Variants in BABAM2 observed in about 807,000 individuals in gnomAD.
BABAM2 encodes BRISC and BRCA1 A complex member 2, also known as BRISC and BRCA1-A complex member 2.
Under a neutral mutation model 54.7 loss-of-function variants are expected in BABAM2, and 31 were observed. The ratio of observed to expected loss-of-function variants is 0.57; its 90% CI spans 0.43 to 0.77. The LOEUF is 0.77. Among genes scored for constraint, BABAM2 ranks in the 30% least tolerant of loss-of-function variants. The probability of loss-of-function intolerance (pLI) is 0.00; values close to 1 mark genes in which losing one functional copy is unlikely to be tolerated. For missense variants in BABAM2, 364 were observed against 455.8 expected (o/e 0.80, Z 1.83); for synonymous variants, 167 against 162.9 (o/e 1.03, Z -0.19).
At chr2:28,153,872 T>C (rs1332856684) in intron 7 of BABAM2, among the ~76,000 whole-genome samples, 1 of 152,226 alleles carries the variant, frequency 6.6e-6, no homozygotes, top group Admixed American at 6.5e-5. Context: ...CATGCACGAT[T>C]GAGTTTTTGG....
chr2:27,918,532 G>A (rs1430209168), intron 2 of BABAM2, among the ~76,000 whole-genome samples: 1 of 151,908 alleles, frequency 6.6e-6, no homozygotes, highest in African/African-American at 2.4e-5. Context: ...ATTCATCCAT[G>A]GATGGACACT....
chr2:28,182,035 A>G (rs188308948), intron 7 of BABAM2, among the ~76,000 whole-genome samples: 1 of 152,328 alleles, frequency 6.6e-6, no homozygotes, highest in African/African-American at 2.4e-5. Flanking sequence ...ATCAAGGATC[A>G]GTATCCCAGT....
chr2:28,091,718 G>A lies in BABAM2; in HGVS notation c.571-37553G>A, dbSNP rs534330904. On this transcript the variant is annotated intron_variant, in intron 6 of 11. Coordinates refer to ENST00000379624, the MANE Select transcript of BABAM2 (RefSeq NM_199191.3). ...CTTTCTTCCTTGTCTATGTGGGTAA[G>A]TGATTAGAACTAGGAACTATGAAAC... 3.3e-5 allele frequency among the ~76,000 whole-genome samples: 5 copies of A among 152,320 alleles called. No homozygotes were observed. The South Asian group carries it at 1.0e-3, about 32-fold the overall frequency.
chr2:28,071,218 T>C (rs1252789052), intron 6 of BABAM2, among the ~76,000 whole-genome samples: 1 of 152,134 alleles, frequency 6.6e-6, no homozygotes, highest in African/African-American at 2.4e-5. Context: ...GTCTTACCCA[T>C]TGTTTTAAAT....
At chr2:28,289,949 C>G (rs1054870737) in intron 10 of BABAM2, among the ~76,000 whole-genome samples, 2 of 152,158 alleles carry the variant, frequency 1.3e-5, no homozygotes, top group African/African-American at 4.8e-5. Context: ...TCCCTTTTCC[C>G]CACCCACAGA....
intron 7 of BABAM2, among the ~76,000 whole-genome samples, chr2:28,129,669 T>C (rs1413103018): frequency 6.6e-6 from 1 of 152,190 alleles, no homozygotes; most frequent in Non-Finnish European, 1.5e-5. Context: ...CTTCCAGATG[T>C]TCCCTGGAGT....
Position 27,937,287 on chromosome 2 carries a change from T to C in BABAM2, c.205+7379T>C, listed in dbSNP as rs144912939. On this transcript the variant is annotated intron_variant, in intron 3 of 11. Transcript: ENST00000379624. ...CTGTAAATGTTCAGTTCAGATGCAG[T>C]TTGTTTTTTGAATTTTTGTTTTTAG... Among the ~76,000 whole-genome samples, 361 of 152,220 alleles carry C rather than the reference T, an allele frequency of 2.4e-3. 1 individual carries two copies. The highest frequency in any genetic ancestry group is 8.2e-3 in the African/African-American group (342 of 41,540).
intron 11 of BABAM2, among the ~76,000 whole-genome samples, chr2:28,323,722 C>T (rs2148315577): frequency 6.6e-6 from 1 of 152,310 alleles, no homozygotes; most frequent in East Asian, 1.9e-4. Flanking sequence ...CCCTCATCAA[C>T]CCTAGGGAGT....
chr2:28,001,992 AT>A (rs1433350365), intron 4 of BABAM2, among the ~76,000 whole-genome samples: 1 of 151,948 alleles, frequency 6.6e-6, no homozygotes, highest in Non-Finnish European at 1.5e-5. Context: ...AGGAAAGGCA[AT>A]CACATGATGA....
intron 3 of BABAM2, among the ~76,000 whole-genome samples, chr2:27,962,810 A>T (rs959740728): frequency 1.3e-5 from 2 of 152,222 alleles, no homozygotes; most frequent in African/African-American, 4.8e-5. Context: ...ATTTGATGTC[A>T]TCTAATTTAC....
chr2:28,151,049 T>G (rs1671981593), intron 7 of BABAM2, among the ~76,000 whole-genome samples: 1 of 152,156 alleles, frequency 6.6e-6, no homozygotes, highest in Non-Finnish European at 1.5e-5. Context: ...GGTAAGATGG[T>G]TATCGATAGT....
intron 7 of BABAM2, among the ~76,000 whole-genome samples, chr2:28,138,455 G>A (rs1425899733): frequency 1.3e-5 from 2 of 152,082 alleles, no homozygotes; most frequent in Admixed American, 1.3e-4. Flanking sequence ...AAATATATAT[G>A]CATAAAAAGT....
chr2:28,232,485 T>A (rs780176158), intron 7 of BABAM2, among the ~76,000 whole-genome samples: 8 of 152,200 alleles, frequency 5.3e-5, no homozygotes, highest in Non-Finnish European at 1.0e-4. Flanking sequence ...GAGAAATGTG[T>A]CATTAAGCAG....
At chr2:27,904,434 A>G (rs563086849) in intron 2 of BABAM2, among the ~76,000 whole-genome samples, 5 of 152,360 alleles carry the variant, frequency 3.3e-5, no homozygotes, top group African/African-American at 9.6e-5. Flanking sequence ...AGACCTCCAG[A>G]TAATCAATCT....
At chr2:28,252,454 T>G (rs1307412727) in intron 10 of BABAM2, among the ~76,000 whole-genome samples, 1 of 152,198 alleles carries the variant, frequency 6.6e-6, no homozygotes, top group Non-Finnish European at 1.5e-5. Flanking sequence ...ATCTTTTGAT[T>G]ATACACACAA....
intron 7 of BABAM2, among the ~76,000 whole-genome samples, chr2:28,228,233 T>A (rs1681065089): frequency 6.6e-6 from 1 of 152,182 alleles, no homozygotes. Flanking sequence ...GCACGTGAAG[T>A]TACCTAGTGC....
At chr2:28,039,301 A>G (rs1676894718) in intron 5 of BABAM2, among the ~76,000 whole-genome samples, 1 of 152,236 alleles carries the variant, frequency 6.6e-6, no homozygotes, top group Non-Finnish European at 1.5e-5. Context: ...TCTAAGTATA[A>G]ATGAATTGTA....
chr2:28,221,493 A>T (rs934486759), intron 7 of BABAM2, among the ~76,000 whole-genome samples: 7 of 152,210 alleles, frequency 4.6e-5, no homozygotes, highest in African/African-American at 1.7e-4. Context: ...AAAAAAATGT[A>T]TGACATATTA....
At chr2:27,912,482 A>G (rs555763508) in intron 2 of BABAM2, among the ~76,000 whole-genome samples, 3 of 152,292 alleles carry the variant, frequency 2.0e-5, no homozygotes, top group South Asian at 2.1e-4. Flanking sequence ...CTATCTTTGT[A>G]TGTATTTACT....
Sources: gnomAD v4.1 joint callset for allele counts (sites outside exome capture counted in the v4.1 genomes callset) on GRCh38, gnomAD v4.1.1 for gene constraint, MANE v1.5 for transcripts, NCBI Gene and HGNC (gene_info 2026-07-23, HGNC 2026-07-21) for gene names.